GRXCR1: variants seen among roughly 807,000 people sequenced by gnomAD.
GRXCR1 encodes glutaredoxin domain-containing cysteine-rich protein 1.
A neutral mutation model predicts 27.3 loss-of-function variants in GRXCR1; 27 were observed. The observed-to-expected ratio is 0.99, with a 90% confidence interval of 0.73 to 1.37. The LOEUF is 1.37. Ranked by LOEUF, GRXCR1 falls within the 40% of genes most tolerant of loss-of-function variation. The pLI, the probability that GRXCR1 is intolerant of heterozygous loss-of-function variation, is 0.00. For synonymous variants in GRXCR1, 122 were observed against 131.1 expected, an observed-to-expected ratio of 0.93 and a Z score of 0.47; for missense variants, 379 against 354.4, an observed-to-expected ratio of 1.07 and a Z score of -0.56.
At chr4:43,014,028 A>G (rs1462339378) in intron 2 of GRXCR1, among the ~76,000 whole-genome samples, 1 of 148,596 alleles carries the variant, frequency 6.7e-6, no homozygotes, top group Non-Finnish European at 1.5e-5. Flanking sequence ...ATTTTCTGAC[A>G]CCCAAAGGTC....
chr4:42,987,215 A>ATG (rs1711759261), intron 2 of GRXCR1, among the ~76,000 whole-genome samples: 1 of 31,278 alleles, frequency 3.2e-5, no homozygotes. Context: ...TATATATTAT[A>ATG]TATATATTAT....
intron 2 of GRXCR1, among the ~76,000 whole-genome samples, chr4:43,014,354 G>T (rs1712865211): frequency 6.6e-6 from 1 of 152,096 alleles, no homozygotes; most frequent in South Asian, 2.1e-4. Context: ...AAGCAGAGTT[G>T]ATGAAACCTC....
intron 2 of GRXCR1, among the ~76,000 whole-genome samples, chr4:42,984,651 G>T (rs1711624215): frequency 6.6e-6 from 1 of 152,176 alleles, no homozygotes; most frequent in African/African-American, 2.4e-5. Flanking sequence ...CTAGAAGCCT[G>T]GGGGCTGCTG....
chr4:42,976,085 A>C (rs1319894383), intron 2 of GRXCR1, among the ~76,000 whole-genome samples: 2 of 152,080 alleles, frequency 1.3e-5, no homozygotes, highest in African/African-American at 4.8e-5. Context: ...TGCCTGCTGT[A>C]ATTCTCTGTG....
chr4:43,020,336 A>ACT lies in GRXCR1; in HGVS notation c.628-10_628-9dup. 6.4e-7 allele frequency: 1 copy of ACT among 1,559,772 alleles called. No homozygotes were observed. Among genetic ancestry groups the ACT allele is most frequent in the Non-Finnish European group, 8.8e-7 (1 of 1,130,664 alleles). On this transcript the variant is annotated splice_polypyrimidine_tract_variant and intron_variant, in intron 2 of 3. Transcript: ENST00000399770. ...CTAACAAAAATGGATTTTTCTCCCT[A>ACT]CTCTCTCTCGTTAATAGGGTGCTGA... is the stretch of plus-strand genomic sequence containing the variant.
intron 2 of GRXCR1, among the ~76,000 whole-genome samples, chr4:42,991,721 T>G (rs1398817532): frequency 1.3e-5 from 2 of 152,152 alleles, no homozygotes; most frequent in Non-Finnish European, 2.9e-5. Context: ...CTCAGTCATT[T>G]TTTTCATTAT....
chr4:43,024,809 A>G (rs564959368), intron 3 of GRXCR1, among the ~76,000 whole-genome samples: 36 of 152,354 alleles, frequency 2.4e-4, no homozygotes, highest in African/African-American at 7.7e-4. Context: ...AACAAAATAC[A>G]TAGACCAAGA....
chr4:42,984,135 C>A (rs1560675347), intron 2 of GRXCR1, among the ~76,000 whole-genome samples: 2 of 152,144 alleles, frequency 1.3e-5, no homozygotes, highest in Non-Finnish European at 1.5e-5. Flanking sequence ...CATGCCCAGC[C>A]CACAGATACA....
intron 2 of GRXCR1, among the ~76,000 whole-genome samples, chr4:42,981,393 T>A (rs1309793809): frequency 6.6e-6 from 1 of 152,206 alleles, no homozygotes. Context: ...TTATACTGCA[T>A]ATCCCTTAAA....
intron 2 of GRXCR1, among the ~76,000 whole-genome samples, chr4:42,987,230 T>TATATATATATTATATATATATA (rs1711778323): frequency 4.7e-5 from 4 of 85,516 alleles, no homozygotes; most frequent in African/African-American, 1.8e-4. Context: ...TATTATATAT[T>TATATATATATTATATATATATA]ATATATATAT....
chr4:42,934,533 G>T (rs1337341559), intron 1 of GRXCR1, among the ~76,000 whole-genome samples: 1 of 151,680 alleles, frequency 6.6e-6, no homozygotes, highest in African/African-American at 2.4e-5. Flanking sequence ...AGGATTTTAG[G>T]TCACACATAA....
chr4:43,004,512 A>G (rs905936616), intron 2 of GRXCR1, among the ~76,000 whole-genome samples: 2 of 152,214 alleles, frequency 1.3e-5, no homozygotes, highest in Non-Finnish European at 1.5e-5. Flanking sequence ...ACAGGCACTC[A>G]ACGACAGCCC....
In GRXCR1 at chr4:43,018,052, G is replaced by C. The variant is rs116247673; in HGVS notation, c.628-2302G>C. Among the ~76,000 whole-genome samples, 779 of 152,334 alleles carry C rather than the reference G, an allele frequency of 5.1e-3. 13 individuals are homozygous for C. Among genetic ancestry groups the C allele is most frequent in the African/African-American group, 0.015 (639 of 41,582 alleles). On this transcript the variant is annotated intron_variant, in intron 2 of 3. Transcript: ENST00000399770. ...CTATTCTGCTATTGCTGCTGCTGCA[G>C]TTAGGATGAGAGAAGGCGATCATTT...
rs61733348 is a variant in GRXCR1, at chr4:43,030,444, C to T, written c.777C>T (p.Ser259=). The part of the protein sequence containing the change: ...PCSVCHGSKM[S]MFRNCFTDSF... ...CCGTGTGCCATGGGAGCAAGATGTC[C>T]ATGTTTCGAAACTGCTTCACAGACT... is the stretch of plus-strand genomic sequence containing the variant. The change falls in exon 4 of 4, where the codon TCC becomes TCT. Residue 259 remains serine (S), a synonymous_variant. Coordinates refer to ENST00000399770, the MANE Select transcript of GRXCR1 (RefSeq NM_001080476.3). 2.7e-3 allele frequency: 4,291 copies of T among 1,613,982 alleles called. 94 individuals are homozygous for T. The African/African-American group carries it at 0.049, about 19-fold the overall frequency.
intron 2 of GRXCR1, among the ~76,000 whole-genome samples, chr4:42,978,230 G>A (rs1054426272): frequency 2.0e-5 from 3 of 152,070 alleles, no homozygotes; most frequent in South Asian, 2.1e-4. Flanking sequence ...ATAACTTGAA[G>A]TCAGGTAGTG....
At chr4:42,941,407 A>C (rs1220178375) in intron 1 of GRXCR1, among the ~76,000 whole-genome samples, 2 of 152,046 alleles carry the variant, frequency 1.3e-5, no homozygotes, top group Non-Finnish European at 2.9e-5. Context: ...CCATGTTTTA[A>C]AATTATTTTT....
At chr4:43,024,450 A>G (rs918063139) in intron 3 of GRXCR1, among the ~76,000 whole-genome samples, 1 of 152,020 alleles carries the variant, frequency 6.6e-6, no homozygotes, top group Non-Finnish European at 1.5e-5. Context: ...GCCTGTTCTG[A>G]GGCTACAGCC....
At chr4:43,030,009 TA>T (rs1449160491) in intron 3 of GRXCR1, among the ~76,000 whole-genome samples, 1 of 152,214 alleles carries the variant, frequency 6.6e-6, no homozygotes, top group Non-Finnish European at 1.5e-5. Context: ...ATGGGAAAGT[TA>T]AAGTATTTTC....
At chr4:42,899,075 T>A (rs984057113) in intron 1 of GRXCR1, among the ~76,000 whole-genome samples, 6 of 152,130 alleles carry the variant, frequency 3.9e-5, no homozygotes, top group Non-Finnish European at 5.9e-5. Flanking sequence ...TGGCTCTTGC[T>A]TATGGTATTA....
Sources: allele counts gnomAD v4.1 joint callset (sites outside exome capture counted in the v4.1 genomes callset), GRCh38; gene constraint gnomAD v4.1.1; transcripts MANE v1.5; gene names NCBI Gene and HGNC (gene_info 2026-07-23, HGNC 2026-07-21).